CSMD1: variants seen among roughly 807,000 people sequenced by gnomAD.
The protein encoded by CSMD1 is CUB and sushi domain-containing protein 1.
CSMD1 carries 213 observed loss-of-function variants against 417.5 expected under a neutral mutation model. The ratio of observed to expected loss-of-function variants is 0.51; its 90% confidence interval spans 0.46 to 0.57. CSMD1 has a LOEUF of 0.57. Ranked by LOEUF, CSMD1 falls within the 20% of genes least tolerant of loss-of-function variation. CSMD1 has a pLI of 0.00. For missense variants in CSMD1, 6,923 were observed against 4,529.7 expected (o/e 1.53, Z -15.17); for synonymous variants, 2,862 against 1,736.8 (o/e 1.65, Z -16.11).
intron 2 of CSMD1, among the ~76,000 whole-genome samples, chr8:4,424,397 AC>A (rs1797425780): frequency 6.6e-6 from 1 of 152,026 alleles, no homozygotes; most frequent in African/African-American, 2.4e-5. Context: ...AAGTCAGGTG[AC>A]CTAAAGGACA....
intron 3 of CSMD1, among the ~76,000 whole-genome samples, chr8:4,177,108 C>G (rs974834728): frequency 6.6e-6 from 1 of 152,146 alleles, no homozygotes; most frequent in Non-Finnish European, 1.5e-5. Context: ...ACTCTCCACC[C>G]CAAATCAACA....
chr8:4,125,914 C>T (rs1802737549), intron 3 of CSMD1, among the ~76,000 whole-genome samples: 1 of 152,146 alleles, frequency 6.6e-6, no homozygotes, highest in African/African-American at 2.4e-5. Flanking sequence ...CCTCTGGCTC[C>T]AAGAGTATGA....
At chr8:3,934,748 G>A (rs141505292) in intron 5 of CSMD1, among the ~76,000 whole-genome samples, 23 of 152,220 alleles carry the variant, frequency 1.5e-4, no homozygotes, top group African/African-American at 5.3e-4. Flanking sequence ...TCGGGAGGCT[G>A]AAGCAGGAGA....
chr8:4,539,172 A>G (rs1324768239), intron 2 of CSMD1, among the ~76,000 whole-genome samples: 1 of 152,196 alleles, frequency 6.6e-6, no homozygotes, highest in Non-Finnish European at 1.5e-5. Flanking sequence ...TTAACACACA[A>G]TTTGAATTAT....
At chr8:4,851,789 C>T (rs960655107) in intron 1 of CSMD1, among the ~76,000 whole-genome samples, 1 of 152,146 alleles carries the variant, frequency 6.6e-6, no homozygotes, top group African/African-American at 2.4e-5. Context: ...TTAAGTCACC[C>T]TCCCCTTTAA....
intron 3 of CSMD1, among the ~76,000 whole-genome samples, chr8:4,211,475 A>G (rs554918645): frequency 2.6e-5 from 4 of 152,364 alleles, no homozygotes; most frequent in East Asian, 1.9e-4. Flanking sequence ...ATTTTAGCTC[A>G]TTTTGAAAAT....
At chr8:4,297,693 C>T (rs540140649) in intron 3 of CSMD1, among the ~76,000 whole-genome samples, 1 of 152,204 alleles carries the variant, frequency 6.6e-6, no homozygotes, top group African/African-American at 2.4e-5. Flanking sequence ...TAGCATTAAC[C>T]CGGAGCCATC....
At chr8:3,860,508 G>C (rs1450439282) in intron 5 of CSMD1, among the ~76,000 whole-genome samples, 2 of 151,994 alleles carry the variant, frequency 1.3e-5, no homozygotes, top group African/African-American at 4.8e-5. Context: ...CTTTATGCAA[G>C]GTACCTTGTA....
At chr8:4,156,772 C>T (rs186601474) in intron 3 of CSMD1, among the ~76,000 whole-genome samples, 11 of 152,232 alleles carry the variant, frequency 7.2e-5, no homozygotes, top group African/African-American at 2.4e-4. Flanking sequence ...CCAGACAGTA[C>T]AGACTTTTGG....
intron 59 of CSMD1, 110 bp from the exon 60 acceptor site, chr8:2,963,505 G>A (rs2128927126): frequency 9.5e-7 from 1 of 1,050,372 alleles, no homozygotes; most frequent in Non-Finnish European, 1.4e-6. Flanking sequence ...CATCTACATA[G>A]GTTTTTAAAA....
chr8:3,015,457 T>C (rs1345975079), intron 52 of CSMD1, among the ~76,000 whole-genome samples: 1 of 152,040 alleles, frequency 6.6e-6, no homozygotes, highest in Non-Finnish European at 1.5e-5. Context: ...ATTTTTAGAG[T>C]TGAAGCCATG....
Position 3,442,756 on chromosome 8 carries a change from C to G in CSMD1, c.1561+25956G>C, listed in dbSNP as rs150909588. On this transcript the variant is annotated intron_variant, in intron 12 of 69. Transcript: ENST00000635120. ...ATATATACACACACATACACACGTA[C>G]ATATATATTTGAATTCTATTTGCTA... 2.0e-5 allele frequency among the ~76,000 whole-genome samples: 3 copies of G among 152,246 alleles called. No homozygotes were observed. The East Asian group carries it at 5.8e-4, about 29-fold the overall frequency.
chr8:3,151,405 A>G lies in CSMD1; in HGVS notation c.6023T>C (p.Ile2008Thr), dbSNP rs1819185808. Residue 2008 changes from isoleucine (I) to threonine (T), a missense_variant, in exon 40 of 70, where the codon ATC (isoleucine) becomes ACC (threonine). Ile to Thr is a moderately conservative substitution (Grantham distance 89). Transcript: ENST00000635120. ...LDCTWRISLP[I>T]GYGAHIQFLN... ...GTAACATTTTCACTTACCATAGCCG[A>G]TGGGTAATGAGATCCTCCAGGTGCA... 6.2e-7 allele frequency: 1 copy of G among 1,607,950 alleles called. No individual in the cohort carries two copies. Among genetic ancestry groups the G allele is most frequent in the East Asian group, 2.2e-5 (1 of 44,836 alleles).
At chr8:4,129,554 G>A (rs1043544247) in intron 3 of CSMD1, among the ~76,000 whole-genome samples, 8 of 148,264 alleles carry the variant, frequency 5.4e-5, no homozygotes, top group African/African-American at 1.8e-4. Flanking sequence ...GATTCCATCA[G>A]AATATTTTAG....
At chr8:3,602,803 C>T (rs1158716061) in intron 8 of CSMD1, among the ~76,000 whole-genome samples, 1 of 151,738 alleles carries the variant, frequency 6.6e-6, no homozygotes, top group Non-Finnish European at 1.5e-5. Context: ...AAATAGTCCC[C>T]GAGATGGCAT....
At chr8:4,756,358 T>G (rs1042441789) in intron 1 of CSMD1, among the ~76,000 whole-genome samples, 1 of 152,160 alleles carries the variant, frequency 6.6e-6, no homozygotes, top group Non-Finnish European at 1.5e-5. Flanking sequence ...ATACTGGCCA[T>G]ATTTTTAAAA....
chr8:3,809,270 C>T (rs569716071), intron 5 of CSMD1, among the ~76,000 whole-genome samples: 19 of 152,152 alleles, frequency 1.2e-4, no homozygotes, highest in African/African-American at 1.9e-4. Flanking sequence ...CAGGTCAGCT[C>T]CCTTTGCCAT....
chr8:3,502,989 G>T lies in CSMD1; in HGVS notation c.1345-9263C>A, dbSNP rs140467905. ...TACAGTGGGGAGGTTGTGCATGTGT[G>T]GGGGCAGGGGGTACGGGGAAACTAT... On this transcript the variant is annotated intron_variant, in intron 10 of 69. Coordinates refer to ENST00000635120, the MANE Select transcript of CSMD1 (RefSeq NM_033225.6). Among the ~76,000 whole-genome samples, 1,400 of 152,252 alleles carry T rather than the reference G, an allele frequency of 9.2e-3. 12 individuals are homozygous for T. Among genetic ancestry groups the T allele is most frequent in the Non-Finnish European group, 0.014 (969 of 68,014 alleles).
intron 1 of CSMD1, among the ~76,000 whole-genome samples, chr8:4,938,877 A>G (rs776069206): frequency 6.6e-6 from 1 of 152,138 alleles, no homozygotes; most frequent in Non-Finnish European, 1.5e-5. Flanking sequence ...TTTAATTTGC[A>G]TTTTCCTGAT....
Sources: gnomAD v4.1 joint callset for allele counts (sites outside exome capture counted in the v4.1 genomes callset) on GRCh38, gnomAD v4.1.1 for gene constraint, MANE v1.5 for transcripts, NCBI Gene and HGNC (gene_info 2026-07-23, HGNC 2026-07-21) for gene names.